Variants in EIF2AK4 observed in about 807,000 individuals in gnomAD.
EIF2AK4 encodes eukaryotic translation initiation factor 2 alpha kinase 4.
In EIF2AK4, 139 loss-of-function variants were observed where a neutral mutation model predicts 211.1. The observed-to-expected ratio is 0.66, with a 90% CI of 0.57 to 0.76. EIF2AK4 has a LOEUF of 0.76. Ranked by LOEUF, EIF2AK4 falls within the 30% of genes least tolerant of loss-of-function variation. The pLI, the probability that EIF2AK4 is intolerant of heterozygous loss-of-function variation, is 0.00. For synonymous variants in EIF2AK4, 710 were observed against 751.3 expected (o/e 0.94, Z 0.90); for missense variants, 1,664 against 2,043.8 (o/e 0.81, Z 3.58).
chr15:39,942,591 C>A (rs2034160290), intron 2 of EIF2AK4, among the ~76,000 whole-genome samples: 2 of 152,146 alleles, frequency 1.3e-5, no homozygotes, highest in East Asian at 3.8e-4. Flanking sequence ...AATTAAATAA[C>A]TCCTATTTAA....
chr15:40,009,564 AC>A (rs1197590157), intron 25 of EIF2AK4, 49 bp from the exon 26 acceptor site: 1 of 1,176,390 alleles, frequency 8.5e-7, no homozygotes, highest in Non-Finnish European at 1.2e-6. Context: ...TTGGTCATGT[AC>A]CAGTAATTGC....
intron 22 of EIF2AK4, 125 bp downstream of exon 22, chr15:40,002,913 A>T: frequency 8.8e-7 from 1 of 1,142,422 alleles, no homozygotes; most frequent in Non-Finnish European, 1.3e-6. Context: ...AATTGACATC[A>T]TATGGAATTT....
chr15:39,944,449 T>TTTTTTTA (rs1595541563), intron 3 of EIF2AK4, among the ~76,000 whole-genome samples: 1 of 150,398 alleles, frequency 6.6e-6, no homozygotes, highest in African/African-American at 2.5e-5. Flanking sequence ...TTTTTTTTTT[T>TTTTTTTA]GAGGCGGAGT....
intron 9 of EIF2AK4, among the ~76,000 whole-genome samples, chr15:39,970,530 A>T (rs187570845): frequency 1.0e-3 from 152 of 152,242 alleles, no homozygotes; most frequent in African/African-American, 3.5e-3. Context: ...ACAGAAGTTT[A>T]AAAAAAATCT....
At chr15:39,965,588 C>A in intron 7 of EIF2AK4, 98 bp from the exon 8 acceptor site, 1 of 1,322,738 alleles carries the variant, frequency 7.6e-7, no homozygotes, top group Non-Finnish European at 1.0e-6. Flanking sequence ...GCATGGTATC[C>A]ATTGTTGAAC....
Position 39,949,190 on chromosome 15 carries a change from T to C in EIF2AK4, c.435T>C (p.Phe145=), listed in dbSNP as rs1274476380. 4 of 1,614,084 alleles carry C rather than the reference T, an allele frequency of 2.5e-6. No homozygotes were observed. ...SEHNKPPPKS[F]HEEMLERRAQ... The stretch of plus-strand genomic sequence containing the variant: ...ATAACAAGCCCCCTCCCAAGTCTTT[T>C]CATGAAGAAATGCTGGAAAGGCGGG... Residue 145 remains phenylalanine, a synonymous_variant, in exon 4 of 39, where the codon TTT becomes TTC. Transcript: ENST00000263791.
chr15:39,993,501 A>AT (rs2140929546), intron 18 of EIF2AK4, among the ~76,000 whole-genome samples: 1 of 152,326 alleles, frequency 6.6e-6, no homozygotes, highest in Admixed American at 6.5e-5. Context: ...AGCCACACAG[A>AT]TTTGGGGGCT....
chr15:40,030,277 T>A (rs1420546077), intron 34 of EIF2AK4, 82 bp from the exon 35 acceptor site: 1 of 1,365,494 alleles, frequency 7.3e-7, no homozygotes, highest in Admixed American at 2.0e-5. Flanking sequence ...TGTCTACTAA[T>A]AAACTCTGCC....
At chr15:40,026,289 T>TA (rs200485080) in intron 33 of EIF2AK4, among the ~76,000 whole-genome samples, 200 bp downstream of exon 33, 4 of 151,004 alleles carry the variant, frequency 2.6e-5, no homozygotes, top group South Asian at 2.1e-4. Context: ...ACCCCATTTC[T>TA]AAAAAAAAAA....
intron 29 of EIF2AK4, among the ~76,000 whole-genome samples, chr15:40,017,558 T>TATGTATGTA (rs1555422343): frequency 5.5e-5 from 7 of 127,992 alleles, no homozygotes; most frequent in Admixed American, 1.6e-4. Flanking sequence ...TATATATGTA[T>TATGTATGTA]TTTGGAGACA....
chr15:39,946,583 A>G (rs1232986980), intron 3 of EIF2AK4: 1 of 701,964 alleles, frequency 1.4e-6, no homozygotes, highest in South Asian at 1.5e-5. Flanking sequence ...CTTTGTTTTG[A>G]AGCAGCAGCA....
chr15:39,963,369 C>T (rs1252287356), intron 7 of EIF2AK4, among the ~76,000 whole-genome samples: 2 of 152,184 alleles, frequency 1.3e-5, no homozygotes, highest in African/African-American at 2.4e-5. Flanking sequence ...GTCTCTTATT[C>T]TCACTGGTAC....
chr15:39,994,429 G>A (rs34519780), intron 18 of EIF2AK4, among the ~76,000 whole-genome samples: 23,385 of 151,998 alleles, frequency 0.15, 2,329 homozygotes, highest in Non-Finnish European at 0.23. Flanking sequence ...GTAACATAGC[G>A]AGACCTCATC....
intron 2 of EIF2AK4, among the ~76,000 whole-genome samples, chr15:39,940,124 G>A (rs1022958652): frequency 2.0e-5 from 3 of 152,192 alleles, no homozygotes; most frequent in Non-Finnish European, 2.9e-5. Context: ...ACTGCAGTAC[G>A]TTTAGCATCC....
At chr15:39,968,296 C>A (rs2034572982) in intron 9 of EIF2AK4, among the ~76,000 whole-genome samples, 1 of 152,232 alleles carries the variant, frequency 6.6e-6, no homozygotes, top group Admixed American at 6.5e-5. Context: ...AACCATTCTT[C>A]ATTGGCTGTC....
chr15:39,940,221 T>C (rs182766938), intron 2 of EIF2AK4, among the ~76,000 whole-genome samples: 202 of 152,276 alleles, frequency 1.3e-3, no homozygotes, highest in Non-Finnish European at 2.4e-3. Flanking sequence ...CCTCTGAAGG[T>C]GATGTCACCT....
At chr15:39,944,779 A>T (rs776892959) in intron 3 of EIF2AK4, among the ~76,000 whole-genome samples, 1 of 152,198 alleles carries the variant, frequency 6.6e-6, no homozygotes, top group Non-Finnish European at 1.5e-5. Flanking sequence ...CTCGGCTTCC[A>T]TGTCTGTTTC....
At chr15:39,988,204 A>C (rs982626395) in intron 15 of EIF2AK4, 99 bp downstream of exon 15, 60 of 1,368,346 alleles carry the variant, frequency 4.4e-5, no homozygotes, top group Non-Finnish European at 5.1e-5. Flanking sequence ...ACTGAAATAG[A>C]GGGAAAGCTA....
At chr15:39,961,683 G>A (rs1010335331) in intron 6 of EIF2AK4, 101 bp from the exon 7 acceptor site, 1 of 844,200 alleles carries the variant, frequency 1.2e-6, no homozygotes, top group Non-Finnish European at 1.9e-6. Context: ...GAAAATGGAG[G>A]GGCATTCTTG....
Sources: gnomAD v4.1 joint callset for allele counts (sites outside exome capture counted in the v4.1 genomes callset) on GRCh38, gnomAD v4.1.1 for gene constraint, MANE v1.5 for transcripts, NCBI Gene and HGNC (gene_info 2026-07-23, HGNC 2026-07-21) for gene names.